SRCIN1: variants seen among roughly 807,000 people sequenced by gnomAD.
The protein encoded by SRCIN1 is P130Cas-associated protein.
In SRCIN1, 50 loss-of-function variants were observed where a neutral mutation model predicts 116.2. The ratio of observed to expected loss-of-function variants is 0.43; its 90% CI spans 0.34 to 0.54. The LOEUF (loss-of-function observed/expected upper bound fraction) is 0.54, where lower values mean the gene tolerates loss of function less well. Among genes scored for constraint, SRCIN1 ranks in the 20% least tolerant of loss-of-function variants. The probability of loss-of-function intolerance (pLI) is 0.02; values close to 1 mark genes in which losing one functional copy is unlikely to be tolerated. For missense variants in SRCIN1, 1,446 were observed against 1,672.0 expected (o/e 0.86, Z 2.36); for synonymous variants, 736 against 750.0 (o/e 0.98, Z 0.30).
Position 38,572,601 on chromosome 17 carries a change from C to A in SRCIN1, c.325-4370G>T. 1 of 152,304 alleles carries A rather than the reference C, an allele frequency of 6.6e-6. No homozygotes were observed. Among genetic ancestry groups the A allele is most frequent in the Non-Finnish European group, 1.5e-5 (1 of 68,088 alleles). 9.4% of individuals were successfully genotyped at this position (152,304 alleles called of 1,614,324 possible). On this transcript the variant is annotated intron_variant, in intron 2 of 18. Coordinates refer to ENST00000617146, the MANE Select transcript of SRCIN1 (RefSeq NM_025248.3). The surrounding 1 kb of genome is among the most constrained non-coding windows in gnomAD (Gnocchi z 4.3). The stretch of plus-strand genomic sequence containing the variant: ...TCGGTGCCGCGGAGCGGGCCCCCAT[C>A]TCCGTGTCCCCGCCCCCCGCCCAAC...
chr17:38,538,403 T>G (rs1346469652), intron 18 of SRCIN1, among the ~76,000 whole-genome samples: 30 of 129,668 alleles, frequency 2.3e-4, no homozygotes, highest in Non-Finnish European at 3.4e-4. Context: ...GGTGACAGAG[T>G]GAGACTCCGT....
intron 8 of SRCIN1, 95 bp from the exon 9 acceptor site, chr17:38,560,192 C>T (rs542111240): frequency 7.8e-6 from 11 of 1,404,640 alleles, no homozygotes; most frequent in Admixed American, 6.9e-5. Context: ...TCCAGCTCTC[C>T]GATCTCAGGA....
chr17:38,540,158 C>G (rs79115809), intron 18 of SRCIN1, among the ~76,000 whole-genome samples: 4,160 of 152,148 alleles, frequency 0.027, 192 homozygotes, highest in African/African-American at 0.094. Flanking sequence ...GATCCTTGCA[C>G]GCCTGGGAAC....
chr17:38,571,232 A>G (rs1464706006), intron 2 of SRCIN1, among the ~76,000 whole-genome samples: 1 of 151,994 alleles, frequency 6.6e-6, no homozygotes, highest in Admixed American at 6.6e-5. Context: ...TCCCCTTCCA[A>G]CTTCCAGCAC....
rs775700083 is a variant in SRCIN1 at position 38,578,454 on chromosome 17, G to GGCCGCAGCCGCA, written c.324+24_324+35dup. ...ACCTCCTCCCCTGCCCGCTGGCCGC[G>GGCCGCAGCCGCA]GCCGCAGCCGCAGCCGCAGCCGGGA... On this transcript the variant is annotated intron_variant, in intron 2 of 18. Coordinates refer to ENST00000617146, the MANE Select transcript of SRCIN1 (RefSeq NM_025248.3). 5 of 1,528,182 alleles carry GGCCGCAGCCGCA rather than the reference G, an allele frequency of 3.3e-6. No homozygotes were observed. In the African/African-American group the frequency reaches 5.8e-5, roughly 18 times the overall value. The allele number at this position is 1,528,182 out of a possible 1,614,324, so 94.7% of individuals were successfully genotyped here.
chr17:38,556,430 G>A (rs1253302914), intron 11 of SRCIN1, among the ~76,000 whole-genome samples: 1 of 152,258 alleles, frequency 6.6e-6, no homozygotes, highest in African/African-American at 2.4e-5. Flanking sequence ...TAGATGGGCA[G>A]GTGAGTGAGT....
At chr17:38,553,909 A>G (rs1026944340) in intron 11 of SRCIN1, among the ~76,000 whole-genome samples, 1 of 152,158 alleles carries the variant, frequency 6.6e-6, no homozygotes, top group Non-Finnish European at 1.5e-5. Context: ...CGTCCAAAAA[A>G]TAGGGATGGT....
Position 38,580,423 on chromosome 17 carries a change from A to G in SRCIN1, c.23-1632T>C, listed in dbSNP as rs147522368. On this transcript the variant is annotated intron_variant, in intron 1 of 18. Coordinates refer to ENST00000617146, the MANE Select transcript of SRCIN1 (RefSeq NM_025248.3). ...GGGCTCCCATGGGCATGAGAGCCGC[A>G]GCTCACCAGGGCCTGACCACCTGCC... Among the ~76,000 whole-genome samples the G allele has an allele frequency of 4.3e-3, 650 of 152,176 alleles. 2 individuals carry two copies. The highest frequency in any genetic ancestry group is 0.015 in the African/African-American group (614 of 41,508).
chr17:38,558,319 C>A lies in SRCIN1; in HGVS notation c.2109G>T (p.Arg703=). ...LSMRVSEAAR[R]QEDPLQRQRT... ...GCTGCCGCTGCAGCGGGTCCTCCTG[C>A]CGCCGCGCCGCCTCCGACACGCGCA... The change falls in exon 11 of 19, where the codon CGG becomes CGT. Residue 703 remains arginine, a synonymous_variant. Coordinates refer to ENST00000617146, the MANE Select transcript of SRCIN1 (RefSeq NM_025248.3). The surrounding 1 kb of genome is among the most constrained non-coding windows in gnomAD (Gnocchi z 4.6). 3 of 1,610,642 alleles carry A rather than the reference C, an allele frequency of 1.9e-6. No homozygotes were observed. The highest frequency in any genetic ancestry group is 2.5e-6 in the Non-Finnish European group (3 of 1,179,554).
intron 1 of SRCIN1, among the ~76,000 whole-genome samples, chr17:38,594,258 G>T (rs560641239): frequency 6.6e-6 from 1 of 152,332 alleles, no homozygotes; most frequent in East Asian, 1.9e-4. Context: ...AGCCAAGGAT[G>T]GGGGAGGGAG....
chr17:38,563,677 A>C lies in SRCIN1; in HGVS notation c.542-156T>G. 3.7e-5 allele frequency: 39 copies of C among 1,052,190 alleles called. No homozygotes were observed. Among genetic ancestry groups the C allele is most frequent in the Non-Finnish European group, 5.2e-5 (37 of 707,176 alleles). 65.2% of individuals were successfully genotyped at this position (1,052,190 alleles called of 1,614,324 possible). A position where few individuals can be genotyped will look rare whatever the true frequency, so the allele number is the denominator to read the frequency against. ...GTGCAGATGCACCCAGGCACCTCTC[A>C]TGCTGCCGGCGGGGGCGCCAGGCCG... is the stretch of plus-strand genomic sequence containing the variant. On this transcript the variant is annotated intron_variant, in intron 4 of 18. Transcript: ENST00000617146. This position sits in a 1 kb window ranked among gnomAD's most constrained non-coding sequence, Gnocchi z 5.8.
chr17:38,560,069 C>A lies in SRCIN1; in HGVS notation c.1822G>T (p.Ala608Ser). The change falls in exon 9 of 19, where the codon GCC (alanine) becomes TCC (serine). Residue 608 changes from alanine to serine, a missense_variant. Ala to Ser is a moderately conservative substitution (Grantham distance 99, BLOSUM62 1). This residue lies in a region of SRCIN1 where 398 missense variants were observed against 385.6 expected (regional missense o/e 1.03). Transcript: ENST00000617146. Reference sequence around the variant, plus strand: ...GTTCACTCACGTGCTGAGGGGGTGGCTGCTCCATTGGAGCCTTCAATCTTC... The same window carrying A: ...GTTCACTCACGTGCTGAGGGGGTGGATGCTCCATTGGAGCCTTCAATCTTC... ...SEKIEGSNGA[A>S]TPSAPCGSGG... 6.4e-7 allele frequency: 1 copy of A among 1,557,344 alleles called. No homozygotes were observed. Among genetic ancestry groups the A allele is most frequent in the Non-Finnish European group, 8.7e-7 (1 of 1,150,696 alleles).
In SRCIN1 at chr17:38,533,387, C is replaced by T. The variant is rs921341756; in HGVS notation, c.3462G>A (p.Ser1154=). ...CCGAGGGCTTTTCTGAGACTGGGCT[C>T]GAGGTCTCATTCGACCCGCTCATCT... ...SKEMSGSNET[S]SPVSEKPSAS... Residue 1154 remains serine (S), a synonymous_variant, in exon 19 of 19, where the codon TCG becomes TCA. Coordinates refer to ENST00000617146, the MANE Select transcript of SRCIN1 (RefSeq NM_025248.3). The T allele has an allele frequency of 1.2e-5, 20 of 1,612,044 alleles. No homozygotes were observed. Among genetic ancestry groups the T allele is most frequent in the East Asian group, 1.1e-4 (5 of 44,774 alleles).
chr17:38,578,355 TCC>T, intron 2 of SRCIN1, 133 bp downstream of exon 2: 1 of 1,166,876 alleles, frequency 8.6e-7, no homozygotes, highest in Admixed American at 3.0e-5. Flanking sequence ...CCCCAACTCC[TCC>T]CCTTCTTCCC....
chr17:38,533,968 TCCACCACCA>T (rs142815334), intron 18 of SRCIN1, among the ~76,000 whole-genome samples: 12,885 of 151,824 alleles, frequency 0.085, 755 homozygotes, highest in African/African-American at 0.16. Context: ...AAAGACCCCG[TCCACCACCA>T]CCACCACCAC....
rs530795869 is a variant in SRCIN1 at position 38,530,725 on chromosome 17, A to C, written c.*2572T>G. 3.9e-5 allele frequency: 6 copies of C among 152,410 alleles called. No homozygotes were observed. The highest frequency in any genetic ancestry group is 1.4e-4 in the African/African-American group (6 of 41,568). 9.4% of individuals were successfully genotyped at this position (152,410 alleles called of 1,614,324 possible). A position where few individuals can be genotyped will look rare whatever the true frequency, so the allele number is the denominator to read the frequency against. ...TCCACATGTACGTGGCCCACACACA[A>C]GTCTCTGGCTCTCGGCATGTCTGCA... On this transcript the variant is annotated 3_prime_UTR_variant, in exon 19 of 19. Transcript: ENST00000617146.
intron 10 of SRCIN1, chr17:38,559,190 T>G: frequency 1.2e-5 from 3 of 246,004 alleles, no homozygotes; most frequent in Admixed American, 5.1e-5. Flanking sequence ...CTGAGAGGAC[T>G]TGGGGGAAGG....
chr17:38,551,593 A>T, intron 14 of SRCIN1: 1 of 641,608 alleles, frequency 1.6e-6, no homozygotes, highest in Non-Finnish European at 2.7e-6. Context: ...ATTATATACT[A>T]CATTCGTGAT....
At chr17:38,534,049 C>A (rs761555363) in intron 18 of SRCIN1, among the ~76,000 whole-genome samples, 7 of 152,206 alleles carry the variant, frequency 4.6e-5, no homozygotes, top group Non-Finnish European at 1.0e-4. Context: ...CAGGAGGCCC[C>A]ACTGCATGCC....
Sources: allele counts gnomAD v4.1 joint callset (sites outside exome capture counted in the v4.1 genomes callset), GRCh38; gene constraint gnomAD v4.1.1; regional missense constraint gnomAD v4.1.1; non-coding constraint Gnocchi (gnomAD v3.1); transcripts MANE v1.5; gene names NCBI Gene and HGNC (gene_info 2026-07-23, HGNC 2026-07-21).